Variants in TMBIM4 observed in about 807,000 individuals in gnomAD.
TMBIM4 encodes the protein protein lifeguard 4.
Under a neutral mutation model 27.7 loss-of-function variants are expected in TMBIM4, and 28 were observed. That is an observed-to-expected ratio of 1.01 (90% CI 0.75 to 1.38). The LOEUF is 1.38. Ranked by LOEUF, TMBIM4 falls within the 40% of genes most tolerant of loss-of-function variation. The pLI, the probability that TMBIM4 is intolerant of heterozygous loss-of-function variation, is 0.00. For synonymous variants in TMBIM4, 115 were observed against 113.1 expected (o/e 1.02, Z -0.11); for missense variants, 265 against 277.5 (o/e 0.95, Z 0.32).
In TMBIM4 at chr12:66,138,035, G is replaced by A. The variant is rs1388488088; in HGVS notation, c.642C>T (p.Ala214=). Residue 214 remains alanine (A), a synonymous_variant, in exon 7 of 7, where the codon GCC becomes GCT. Coordinates refer to ENST00000358230, the MANE Select transcript of TMBIM4 (RefSeq NM_016056.4). ...TGATGATATCCAAGTAGAGGCTGAT[G>A]GCAGCTAATACGTACTCTTCAGGTG... The part of the protein sequence containing the change: ...KLSPEEYVLA[A]ISLYLDIINL... 2 of 1,613,970 alleles carry A rather than the reference G, an allele frequency of 1.2e-6. No homozygotes were observed. Among genetic ancestry groups the A allele is most frequent in the African/African-American group, 1.3e-5 (1 of 74,984 alleles).
At chr12:66,143,659 A>T (rs555969792) in intron 5 of TMBIM4, among the ~76,000 whole-genome samples, 3 of 152,306 alleles carry the variant, frequency 2.0e-5, no homozygotes, top group Admixed American at 2.0e-4. Context: ...GCTTTAAGTC[A>T]ATCTATGAAG....
chr12:66,158,056 G>C (rs1285998204), intron 1 of TMBIM4, among the ~76,000 whole-genome samples: 8 of 149,902 alleles, frequency 5.3e-5, no homozygotes, highest in South Asian at 2.1e-4. Flanking sequence ...GAAATCCTGT[G>C]CCTACTAAAA....
At chr12:66,142,693 T>C (rs1005436283) in intron 5 of TMBIM4, among the ~76,000 whole-genome samples, 2 of 143,870 alleles carry the variant, frequency 1.4e-5, no homozygotes, top group Non-Finnish European at 2.9e-5. Context: ...TGTTCACTAT[T>C]GGAAAAAAAA....
chr12:66,162,869 C>A (rs994368794), intron 1 of TMBIM4, among the ~76,000 whole-genome samples: 2 of 152,182 alleles, frequency 1.3e-5, no homozygotes, highest in African/African-American at 4.8e-5. Flanking sequence ...CCAAACTTGG[C>A]GCTTTAGAAT....
chr12:66,138,750 T>C lies in TMBIM4; in HGVS notation c.484A>G (p.Ile162Val). The change falls in exon 6 of 7, where the codon ATA becomes GTA. Residue 162 changes from isoleucine (I) to valine (V), a missense_variant. Transcript: ENST00000358230. Reference protein sequence around the residue: ...FGAGLFALLWILCLSGFLKFF... With the variant: ...FGAGLFALLWVLCLSGFLKFF... ...TTCAAGAATCCTGACAGGCACAATA[T>C]CCACAAAAGAGCAAACAGCCTATAA... is the stretch of plus-strand genomic sequence containing the variant. The C allele has an allele frequency of 1.3e-6, 2 of 1,548,474 alleles. No homozygotes were observed. The highest frequency in any genetic ancestry group is 1.2e-5 in the South Asian group (1 of 80,024).
At chr12:66,157,214 C>G (rs533360901) in intron 1 of TMBIM4, among the ~76,000 whole-genome samples, 1 of 152,066 alleles carries the variant, frequency 6.6e-6, no homozygotes, top group African/African-American at 2.4e-5. Flanking sequence ...AATGCATACT[C>G]AGGGAAGGCC....
At chr12:66,155,361 G>GAGAGAGAGAGAGAGAGAGA (rs1353460191) in intron 1 of TMBIM4, among the ~76,000 whole-genome samples, 2 of 78,022 alleles carry the variant, frequency 2.6e-5, no homozygotes, top group African/African-American at 3.7e-5. Context: ...AGAGAGAGAG[G>GAGAGAGAGAGAGAGAGAGA]CAGGGTCTCA....
At chr12:66,151,893 T>C (rs1403712955) in intron 3 of TMBIM4, among the ~76,000 whole-genome samples, 1 of 152,196 alleles carries the variant, frequency 6.6e-6, no homozygotes, top group African/African-American at 2.4e-5. Context: ...AGCCACAACA[T>C]AATTTTCTCC....
intron 2 of TMBIM4, 70 bp downstream of exon 2, chr12:66,153,270 T>C: frequency 1.1e-6 from 1 of 920,340 alleles, no homozygotes; most frequent in South Asian, 1.5e-5. Flanking sequence ...AAAGTGGATT[T>C]TGTTTATAAT....
chr12:66,157,507 G>T (rs1300584896), intron 1 of TMBIM4, among the ~76,000 whole-genome samples: 1 of 152,142 alleles, frequency 6.6e-6, no homozygotes, highest in African/African-American at 2.4e-5. Flanking sequence ...TAAGGTTTAG[G>T]GTAATTTGTG....
At position 66,152,371 on chromosome 12, in the gene TMBIM4, G is replaced by C; in HGVS notation, c.212C>G (p.Ala71Gly). The C allele has an allele frequency of 6.2e-7, 1 of 1,605,448 alleles. No homozygotes were observed. The highest frequency in any genetic ancestry group is 8.5e-7 in the Non-Finnish European group (1 of 1,174,692). Residue 71 changes from alanine (A) to glycine (G), a missense_variant, in exon 3 of 7, where the codon GCC becomes GGC. Physicochemically the swap from Ala to Gly is moderately conservative, Grantham distance 60. Transcript: ENST00000358230. ...TCCGAGGGCAAACAGCAAAATTAAG[G>C]CAGGACTGAAAGACATAATATTAAG... ...SVRTFVHESPALILLFALGSL... is the reference protein window; with the variant it reads ...SVRTFVHESPGLILLFALGSL...
chr12:66,168,145 C>T (rs1036111538), intron 1 of TMBIM4, among the ~76,000 whole-genome samples: 1 of 150,940 alleles, frequency 6.6e-6, no homozygotes, highest in African/African-American at 2.4e-5. Flanking sequence ...CACCTGAGCC[C>T]AGAAGGTAGA....
At chr12:66,157,665 G>C (rs1191961179) in intron 1 of TMBIM4, among the ~76,000 whole-genome samples, 1 of 152,140 alleles carries the variant, frequency 6.6e-6, no homozygotes, top group African/African-American at 2.4e-5. Context: ...TGAAGAAACT[G>C]TTTGTAGAAA....
At chr12:66,156,986 T>A (rs948163153) in intron 1 of TMBIM4, among the ~76,000 whole-genome samples, 5 of 152,210 alleles carry the variant, frequency 3.3e-5, no homozygotes, top group Non-Finnish European at 5.9e-5. Flanking sequence ...TCTGGGACAG[T>A]GTTTCTCAAC....
Position 66,152,383 on chromosome 12 carries a change from G to C in TMBIM4, c.207-7C>G, listed in dbSNP as rs1370649130. The stretch of plus-strand genomic sequence containing the variant: ...CAGCAAAATTAAGGCAGGACTGAAA[G>C]ACATAATATTAAGTGTTTCAAGTTA... On this transcript the variant is annotated splice_region_variant and splice_polypyrimidine_tract_variant and intron_variant, in intron 2 of 6. Coordinates refer to ENST00000358230, the MANE Select transcript of TMBIM4 (RefSeq NM_016056.4). 8.8e-6 allele frequency: 14 copies of C among 1,583,810 alleles called. No individual in the cohort carries two copies. The highest frequency in any genetic ancestry group is 1.2e-5 in the Non-Finnish European group (14 of 1,158,084).
At chr12:66,149,876 A>G (rs1045120980) in intron 3 of TMBIM4, among the ~76,000 whole-genome samples, 2 of 117,200 alleles carry the variant, frequency 1.7e-5, no homozygotes, top group Non-Finnish European at 3.4e-5. Flanking sequence ...CTGTCTGTCT[A>G]TGTGCATGCA....
chr12:66,137,673 C>T lies in TMBIM4; in HGVS notation c.*287G>A, dbSNP rs2051598873. 9.3e-6 allele frequency: 3 copies of T among 323,816 alleles called. No homozygotes were observed. Among genetic ancestry groups the T allele is most frequent in the Non-Finnish European group, 1.8e-5 (3 of 170,218 alleles). 20.1% of individuals were successfully genotyped at this position (323,816 alleles called of 1,614,324 possible). Reference sequence around the variant, plus strand: ...TCTCCCAAAGTGGTGGGATTACAGGCGTGAGCCACTGTGCCCAGCCAGAAA... The same window carrying T: ...TCTCCCAAAGTGGTGGGATTACAGGTGTGAGCCACTGTGCCCAGCCAGAAA... On this transcript the variant is annotated 3_prime_UTR_variant, in exon 7 of 7. Coordinates refer to ENST00000358230, the MANE Select transcript of TMBIM4 (RefSeq NM_016056.4).
chr12:66,169,227 T>C, intron 1 of TMBIM4: 1 of 697,614 alleles, frequency 1.4e-6, no homozygotes, highest in Non-Finnish European at 2.6e-6. Context: ...CTGAGCATTT[T>C]AAATTCAAAA....
At position 66,138,135 on chromosome 12, in the gene TMBIM4, A is replaced by G. The variant is rs781007419; in HGVS notation, c.542T>C (p.Val181Ala). Residue 181 changes from valine to alanine, a missense_variant, in exon 7 of 7, where the codon GTC becomes GCC. By Grantham distance (64) the Val-to-Ala change is moderately conservative (BLOSUM62 0). Transcript: ENST00000358230. ...AAGAAGGGCTCCTGCAGCGGCTAAGACCAACTCCATTATCTCACTATAAAA... is the reference window on the plus strand; with the variant it reads ...AAGAAGGGCTCCTGCAGCGGCTAAGGCCAACTCCATTATCTCACTATAAAA... ...FFFYSEIMEL[V>A]LAAAGALLFC... 2 of 1,614,006 alleles carry G rather than the reference A, an allele frequency of 1.2e-6. No individual in the cohort carries two copies. The highest frequency in any genetic ancestry group is 2.2e-5 in the South Asian group (2 of 91,048).
Sources: allele counts gnomAD v4.1 joint callset (sites outside exome capture counted in the v4.1 genomes callset), GRCh38; gene constraint gnomAD v4.1.1; transcripts MANE v1.5; gene names NCBI Gene and HGNC (gene_info 2026-07-23, HGNC 2026-07-21).